The following PUM1 variants were observed in gnomAD, a reference collection of about 807,000 sequenced individuals.
The protein encoded by PUM1 is pumilio homolog 1.
Under a neutral mutation model 131.8 loss-of-function variants are expected in PUM1, and 13 were observed. That is an observed-to-expected ratio of 0.10 (90% CI 0.06 to 0.16). The LOEUF (loss-of-function observed/expected upper bound fraction) is 0.16, where lower values mean the gene tolerates loss of function less well. Ranked by LOEUF, PUM1 falls within the 10% of genes least tolerant of loss-of-function variation. PUM1 has a pLI of 1.00. For missense variants in PUM1, 961 were observed against 1,512.4 expected (o/e 0.64, Z 6.05); for synonymous variants, 509 against 556.5 (o/e 0.91, Z 1.20).
At chr1:30,965,065 G>C (rs561782887) in intron 13 of PUM1, among the ~76,000 whole-genome samples, 155 bp from the exon 14 acceptor site, 1 of 152,228 alleles carries the variant, frequency 6.6e-6, no homozygotes, top group African/African-American at 2.4e-5. Flanking sequence ...ACTAGGGGCA[G>C]ATAAGTAATA....
At chr1:31,058,949 C>A (rs887533267) in intron 2 of PUM1, among the ~76,000 whole-genome samples, 1 of 152,120 alleles carries the variant, frequency 6.6e-6, no homozygotes, top group Non-Finnish European at 1.5e-5. Context: ...CGACTACACT[C>A]CAGCCTGGGT....
In PUM1 at chr1:30,940,345, G is replaced by A. The variant is rs143135824; in HGVS notation, c.3242+806C>T. Among the ~76,000 whole-genome samples, 741 of 152,236 alleles carry A rather than the reference G, an allele frequency of 4.9e-3. 5 individuals carry two copies. The highest frequency in any genetic ancestry group is 0.017 in the African/African-American group (695 of 41,520). ...AAAAAAAGTAGCTGGGCGTGGTGGC[G>A]TGCGCCTGCAGTCCCAGCTACTTGA... On this transcript the variant is annotated intron_variant, in intron 20 of 21. Transcript: ENST00000426105.
intron 10 of PUM1, among the ~76,000 whole-genome samples, chr1:30,970,473 CAGG>C (rs1412654742): frequency 6.6e-6 from 1 of 152,150 alleles, no homozygotes; most frequent in East Asian, 1.9e-4. Context: ...GCCTGATACC[CAGG>C]AGATCATCAA....
At chr1:31,027,643 G>T (rs781272954) in intron 3 of PUM1, among the ~76,000 whole-genome samples, 3 of 152,180 alleles carry the variant, frequency 2.0e-5, no homozygotes, top group Non-Finnish European at 4.4e-5. Flanking sequence ...CAGAAAGTTG[G>T]AAACAAAATC....
At chr1:30,933,915 C>T (rs555764510) in intron 21 of PUM1, among the ~76,000 whole-genome samples, 1 of 152,284 alleles carries the variant, frequency 6.6e-6, no homozygotes, top group African/African-American at 2.4e-5. Flanking sequence ...ATCTTACTGA[C>T]AGAAAACATG....
At chr1:30,950,955 T>C (rs1003615361) in intron 16 of PUM1, among the ~76,000 whole-genome samples, 4 of 152,200 alleles carry the variant, frequency 2.6e-5, no homozygotes, top group Non-Finnish European at 5.9e-5. Context: ...GATTTTTTTT[T>C]CTCCTATTTA....
At position 30,933,287 on chromosome 1, in the gene PUM1, G is replaced by C. The variant is rs747197194; in HGVS notation, c.3491C>G (p.Ala1164Gly). The change falls in exon 22 of 22, where the codon GCC (alanine) becomes GGC (glycine). Residue 1164 changes from alanine (A) to glycine (G), a missense_variant. By Grantham distance (60) the Ala-to-Gly change is moderately conservative (BLOSUM62 0). Coordinates refer to ENST00000426105, the MANE Select transcript of PUM1 (RefSeq NM_001020658.2). ...RKYTYGKHILAKLEKYYMKNG... is the reference protein window; with the variant it reads ...RKYTYGKHILGKLEKYYMKNG... ...CTTCATGTAGTACTTCTCCAGCTTG[G>C]CCAGAATGTGCTTGCCATAGGTGTA... 2 of 1,613,518 alleles carry C rather than the reference G, an allele frequency of 1.2e-6. No homozygotes were observed. Among genetic ancestry groups the C allele is most frequent in the South Asian group, 2.2e-5 (2 of 90,970 alleles).
chr1:30,945,597 A>C, intron 17 of PUM1, 114 bp from the exon 18 acceptor site: 1 of 1,125,488 alleles, frequency 8.9e-7, no homozygotes, highest in Non-Finnish European at 1.3e-6. Flanking sequence ...GTGATGATGA[A>C]AGTGGAATAG....
At chr1:31,023,982 G>A (rs1643131683) in intron 3 of PUM1, among the ~76,000 whole-genome samples, 1 of 151,296 alleles carries the variant, frequency 6.6e-6, no homozygotes, top group South Asian at 2.1e-4. Flanking sequence ...ATCACAGGGG[G>A]GAAAGTCAAT....
At chr1:31,065,568 T>G in intron 1 of PUM1, 48 bp downstream of exon 1, 2 of 1,513,118 alleles carry the variant, frequency 1.3e-6, no homozygotes, top group Non-Finnish European at 8.8e-7. Flanking sequence ...AATCTGCTCG[T>G]TAGGGGTCCG....
At chr1:30,994,453 T>A (rs945906552) in intron 6 of PUM1, among the ~76,000 whole-genome samples, 1 of 152,218 alleles carries the variant, frequency 6.6e-6, no homozygotes, top group Non-Finnish European at 1.5e-5. Flanking sequence ...GTAACTTAAA[T>A]AATAGGGTAA....
rs1223648907 is a variant in PUM1, at chr1:31,055,492, C to T, written c.363+3712G>A. 7 of 424,894 alleles carry T rather than the reference C, an allele frequency of 1.6e-5. No individual in the cohort carries two copies. The Admixed American group carries it at 1.8e-4, about 11-fold the overall frequency. The allele number at this position is 424,894 out of a possible 1,614,324, so 26.3% of individuals were successfully genotyped here. On this transcript the variant is annotated intron_variant, in intron 2 of 21. Transcript: ENST00000426105. Reference sequence around the variant, plus strand: ...CACTATAATGACTACAGAAAAGTAACCTGTGGGTGGTCCACAACTGCAATA... The same window carrying T: ...CACTATAATGACTACAGAAAAGTAATCTGTGGGTGGTCCACAACTGCAATA...
chr1:30,980,027 G>A (rs753174594), intron 9 of PUM1, 35 bp downstream of exon 9: 2 of 1,445,724 alleles, frequency 1.4e-6, no homozygotes, highest in African/African-American at 1.4e-5. Flanking sequence ...CTTTTCAGCA[G>A]GTGAGAAAAT....
chr1:30,945,233 CA>C (rs984028881), intron 18 of PUM1, 112 bp downstream of exon 18: 230 of 1,256,852 alleles, frequency 1.8e-4, no homozygotes, highest in South Asian at 2.1e-4. Context: ...GATCCAGTCT[CA>C]AAAAAAATAA....
chr1:30,966,719 A>G (rs1030688260), intron 12 of PUM1, among the ~76,000 whole-genome samples: 2 of 152,220 alleles, frequency 1.3e-5, no homozygotes, highest in Admixed American at 1.3e-4. Flanking sequence ...AAATAAATAT[A>G]AACACTTAAA....
At chr1:30,953,379 G>A (rs1028033929) in intron 15 of PUM1, among the ~76,000 whole-genome samples, 13 of 152,102 alleles carry the variant, frequency 8.5e-5, no homozygotes, top group Admixed American at 3.3e-4. Context: ...TTCTTCTCTC[G>A]TCTCTACATA....
At chr1:31,064,093 T>C (rs1644428254) in intron 1 of PUM1, among the ~76,000 whole-genome samples, 1 of 152,236 alleles carries the variant, frequency 6.6e-6, no homozygotes, top group African/African-American at 2.4e-5. Flanking sequence ...TTACAAAGTT[T>C]TTTAAAATAT....
chr1:30,980,678 T>G (rs1161447196), intron 8 of PUM1, among the ~76,000 whole-genome samples: 2 of 152,114 alleles, frequency 1.3e-5, no homozygotes, highest in Non-Finnish European at 2.9e-5. Flanking sequence ...CATCCAAGAT[T>G]AGCTATCTCC....
chr1:31,065,507 CAAAGCCCTTCTCA>C (rs1644464386), intron 1 of PUM1, 96 bp downstream of exon 1: 1 of 1,380,662 alleles, frequency 7.2e-7, no homozygotes, highest in South Asian at 1.5e-5. Context: ...GCGGCTTTTC[CAAAGCCCTTCTCA>C]CCCCCACAAC....
Sources: allele counts gnomAD v4.1 joint callset (sites outside exome capture counted in the v4.1 genomes callset), GRCh38; gene constraint gnomAD v4.1.1; transcripts MANE v1.5; gene names NCBI Gene and HGNC (gene_info 2026-07-23, HGNC 2026-07-21).